The following EXTL3 variants were observed in gnomAD, a reference collection of about 807,000 sequenced individuals.
EXTL3 encodes the protein exostosin like glycosyltransferase 3.
A neutral mutation model predicts 69.3 loss-of-function variants in EXTL3; 27 were observed. The ratio of observed to expected loss-of-function variants is 0.39; its 90% CI spans 0.29 to 0.54. EXTL3 has a LOEUF of 0.54. Among genes scored for constraint, EXTL3 ranks in the 20% least tolerant of loss-of-function variants. EXTL3 has a pLI of 0.69. For synonymous variants in EXTL3, 511 were observed against 499.4 expected (o/e 1.02, Z -0.31); for missense variants, 1,003 against 1,231.8 (o/e 0.81, Z 2.78).
intron 4 of EXTL3, among the ~76,000 whole-genome samples, chr8:28,736,145 G>A (rs1215591741): frequency 1.3e-5 from 2 of 152,012 alleles, no homozygotes; most frequent in African/African-American, 2.4e-5. Flanking sequence ...GATTAAGATG[G>A]TATATTTTAT....
intron 1 of EXTL3, among the ~76,000 whole-genome samples, chr8:28,633,258 A>C (rs1461231240): frequency 1.3e-5 from 2 of 152,130 alleles, no homozygotes; most frequent in African/African-American, 4.8e-5. Context: ...GGATCACTGG[A>C]GGCTGCGAGG....
chr8:28,651,082 C>T (rs577264489), intron 1 of EXTL3, among the ~76,000 whole-genome samples: 3 of 151,898 alleles, frequency 2.0e-5, no homozygotes, highest in South Asian at 4.2e-4. Context: ...GCACTGTTAC[C>T]GGATTAAGCA....
intron 1 of EXTL3, among the ~76,000 whole-genome samples, chr8:28,669,320 T>C (rs1054937618): frequency 8.5e-5 from 13 of 152,236 alleles, no homozygotes; most frequent in African/African-American, 3.1e-4. Flanking sequence ...CACTCTTTCT[T>C]AATGGCATAA....
At chr8:28,713,413 T>C (rs186363857) in intron 1 of EXTL3, 44 bp from the exon 2 acceptor site, 27 of 669,080 alleles carry the variant, frequency 4.0e-5, no homozygotes, top group East Asian at 3.8e-4. Flanking sequence ...TCTAATAGTA[T>C]GTCACTGTTC....
intron 1 of EXTL3, among the ~76,000 whole-genome samples, chr8:28,687,466 A>C (rs1807596138): frequency 5.3e-5 from 8 of 152,214 alleles, no homozygotes; most frequent in Admixed American, 5.2e-4. Flanking sequence ...ACTCCATCTC[A>C]AAAAGGAAAA....
intron 3 of EXTL3, among the ~76,000 whole-genome samples, chr8:28,730,526 T>C (rs1201703008): frequency 6.6e-6 from 1 of 152,252 alleles, no homozygotes; most frequent in African/African-American, 2.4e-5. Context: ...TGTTTCATTA[T>C]GTAGTTGTAC....
chr8:28,689,489 A>T (rs562704308), intron 1 of EXTL3, among the ~76,000 whole-genome samples: 1 of 152,300 alleles, frequency 6.6e-6, no homozygotes, highest in African/African-American at 2.4e-5. Context: ...ATTCTAAGTC[A>T]TTCTCTCTTT....
intron 2 of EXTL3, among the ~76,000 whole-genome samples, chr8:28,608,533 A>C (rs1806233265): frequency 6.6e-6 from 1 of 152,078 alleles, no homozygotes; most frequent in South Asian, 2.1e-4. Context: ...GTCTCATAGA[A>C]CTTCCCTTCC....
In EXTL3 at chr8:28,717,160, G is replaced by T. The variant is rs757634700; in HGVS notation, c.1101G>T (p.Met367Ile). Residue 367 changes from methionine (M) to isoleucine (I), a missense_variant, in exon 3 of 7, where the codon ATG becomes ATT. Met to Ile is a conservative substitution (Grantham distance 10). This residue lies in a region of EXTL3 where 742 missense variants were observed against 815.4 expected (regional missense o/e 0.91). Transcript: ENST00000220562. The surrounding 1 kb of genome is among the most constrained non-coding windows in gnomAD (Gnocchi z 8.3). ...AGGCCCGCTCCTTCGAAGAGGAAAT[G>T]GAGGGCGACCCTCCCGCCGACTACG... ...LQEARSFEEE[M>I]EGDPPADYDD... 9.9e-6 allele frequency: 16 copies of T among 1,614,246 alleles called. No individual in the cohort carries two copies. The highest frequency in any genetic ancestry group is 8.3e-5 in the Admixed American group (5 of 60,034).
chr8:28,678,682 C>T (rs1478054412), intron 1 of EXTL3, among the ~76,000 whole-genome samples: 1 of 152,094 alleles, frequency 6.6e-6, no homozygotes. Context: ...AAATTAATTA[C>T]CCAGCCTTTG....
intron 1 of EXTL3, among the ~76,000 whole-genome samples, chr8:28,686,446 G>A (rs569224422): frequency 6.6e-6 from 1 of 152,252 alleles, no homozygotes; most frequent in South Asian, 2.1e-4. Context: ...ACAGAACTTG[G>A]TGTGGGGAAG....
At chr8:28,612,058 G>C (rs1323862665) in intron 2 of EXTL3, among the ~76,000 whole-genome samples, 1 of 152,202 alleles carries the variant, frequency 6.6e-6, no homozygotes, top group Non-Finnish European at 1.5e-5. Context: ...TTAGTGGCGT[G>C]ATGTTTGTTC....
chr8:28,685,710 T>A (rs1807565548), intron 1 of EXTL3, among the ~76,000 whole-genome samples: 1 of 152,090 alleles, frequency 6.6e-6, no homozygotes, highest in Admixed American at 6.6e-5. Flanking sequence ...TTTGTACATT[T>A]GAAATTTTTA....
chr8:28,742,069 T>G (rs974780618), intron 5 of EXTL3: 6 of 152,208 alleles, frequency 3.9e-5, no homozygotes, highest in Non-Finnish European at 7.3e-5. Context: ...TTTGAAGTTA[T>G]CAACATGAGT....
At chr8:28,729,349 C>T (rs1295055108) in intron 3 of EXTL3, among the ~76,000 whole-genome samples, 1 of 149,036 alleles carries the variant, frequency 6.7e-6, no homozygotes, top group Non-Finnish European at 1.5e-5. Flanking sequence ...GTAGTCCCAG[C>T]ACTTTGGGAG....
intron 2 of EXTL3, among the ~76,000 whole-genome samples, chr8:28,614,279 T>C (rs1243510410): frequency 6.9e-6 from 1 of 144,274 alleles, no homozygotes; most frequent in Non-Finnish European, 1.5e-5. Flanking sequence ...TTGCTTTTTT[T>C]TTTTTTTTTT....
chr8:28,744,719 G>A (rs2130795886), intron 6 of EXTL3, among the ~76,000 whole-genome samples: 1 of 152,030 alleles, frequency 6.6e-6, no homozygotes, highest in Middle Eastern at 3.4e-3. Flanking sequence ...ACTTGAACCT[G>A]GAGGCGGAGG....
chr8:28,729,743 G>A (rs939580053), intron 3 of EXTL3, among the ~76,000 whole-genome samples: 5 of 151,806 alleles, frequency 3.3e-5, no homozygotes, highest in Admixed American at 6.6e-5. Flanking sequence ...GCTCATGCCT[G>A]TAATCCTTGC....
At chr8:28,647,949 ATGGGTTGGGGG>A (rs138305627) in intron 1 of EXTL3, among the ~76,000 whole-genome samples, 2,125 of 14,730 alleles carry the variant, frequency 0.14, 73 homozygotes, top group African/African-American at 0.33. Flanking sequence ...GGGGCACTAG[ATGGGTTGGGGG>A]TGGGTTGGGG....
Sources: allele counts gnomAD v4.1 joint callset (sites outside exome capture counted in the v4.1 genomes callset), GRCh38; gene constraint gnomAD v4.1.1; regional missense constraint gnomAD v4.1.1; non-coding constraint Gnocchi (gnomAD v3.1); transcripts MANE v1.5; gene names NCBI Gene and HGNC (gene_info 2026-07-23, HGNC 2026-07-21).